OSTM1: variants seen among roughly 807,000 people sequenced by gnomAD.
OSTM1 encodes osteoclastogenesis associated transmembrane protein 1.
A neutral mutation model predicts 35.4 loss-of-function variants in OSTM1; 26 were observed. That is an observed-to-expected ratio of 0.73 (90% confidence interval 0.54 to 1.02). The LOEUF (loss-of-function observed/expected upper bound fraction) is 1.02, where lower values mean the gene tolerates loss of function less well. Among genes scored for constraint, OSTM1 ranks in the 50% least tolerant of loss-of-function variants. OSTM1 has a pLI of 0.00. For missense variants in OSTM1, 366 were observed against 409.6 expected (o/e 0.89, Z 0.92); for synonymous variants, 181 against 165.0 (o/e 1.10, Z -0.75).
chr6:108,069,053 C>T (rs891897967), intron 1 of OSTM1, among the ~76,000 whole-genome samples: 1 of 152,174 alleles, frequency 6.6e-6, no homozygotes, highest in African/African-American at 2.4e-5. Flanking sequence ...TAGGTGTCTG[C>T]TTTAATCACT....
intron 2 of OSTM1, among the ~76,000 whole-genome samples, chr6:108,062,866 G>A (rs1562374524): frequency 1.3e-5 from 2 of 152,000 alleles, no homozygotes; most frequent in African/African-American, 2.4e-5. Context: ...ATTCTAAGCA[G>A]TATAAAAAAT....
rs151246163 is a variant in OSTM1 at position 108,044,663 on chromosome 6, C to T, written c.*122G>A. The T allele has an allele frequency of 1.7e-6, 1 of 594,054 alleles. No individual in the cohort carries two copies. The highest frequency in any genetic ancestry group is 3.1e-6 in the Non-Finnish European group (1 of 322,424). 36.8% of individuals were successfully genotyped at this position (594,054 alleles called of 1,614,324 possible). On this transcript the variant is annotated 3_prime_UTR_variant, in exon 6 of 6. Transcript: ENST00000193322. ...CGAAAATTCTTATTTAAAAATGGAT[C>T]TGAAGTCCTTGTATTTCTTAAGAGC...
Position 108,049,387 on chromosome 6 carries a change from G to A in OSTM1, c.815C>T (p.Thr272Ile). 1.2e-6 allele frequency: 2 copies of A among 1,613,868 alleles called. No homozygotes were observed. Among genetic ancestry groups the A allele is most frequent in the Non-Finnish European group, 1.7e-6 (2 of 1,179,798 alleles). The change falls in exon 5 of 6, where the codon ACT becomes ATT. Residue 272 changes from threonine to isoleucine, a missense_variant. Coordinates refer to ENST00000193322, the MANE Select transcript of OSTM1 (RefSeq NM_014028.4). ...ACTGCAAGGGACTGAACAGTTGAAA[G>A]TTCGACTCCATAGTTTTCGAGTGAT... The part of the protein sequence containing the change: ...MNITRKLWSR[T>I]FNCSVPCSDT...
intron 4 of OSTM1, 113 bp from the exon 5 acceptor site, chr6:108,049,531 C>T: frequency 9.2e-6 from 14 of 1,523,720 alleles, no homozygotes; most frequent in Non-Finnish European, 1.2e-5. Context: ...TCAATACATA[C>T]CTCTAAAAAC....
chr6:108,074,249 C>A lies in OSTM1; in HGVS notation c.402+1G>T. On this transcript the variant is annotated splice_donor_variant, in intron 1 of 5. Coordinates refer to ENST00000193322, the MANE Select transcript of OSTM1 (RefSeq NM_014028.4). LOFTEE classifies it high-confidence loss of function. Reference sequence around the variant, plus strand: ...AGTCCCGGACGTGGTCCTGTACCCACCCCCGCGGCTCGGCTGATGTTGTCC... The same window carrying A: ...AGTCCCGGACGTGGTCCTGTACCCAACCCCGCGGCTCGGCTGATGTTGTCC... The A allele has an allele frequency of 6.2e-7, 1 of 1,612,002 alleles. No individual in the cohort carries two copies. The highest frequency in any genetic ancestry group is 8.5e-7 in the Non-Finnish European group (1 of 1,179,870).
intron 4 of OSTM1, among the ~76,000 whole-genome samples, chr6:108,050,805 A>G (rs2114592864): frequency 6.6e-6 from 1 of 152,308 alleles, no homozygotes; most frequent in Admixed American, 6.5e-5. Context: ...TGAAGTACCT[A>G]ATTAATTTCT....
Position 108,074,253 on chromosome 6 carries a change from C to T in OSTM1, c.399G>A (p.Ala133=). ...VSKMDNISRA[A]GNTSESQSCA... is the part of the protein sequence containing the mutation. Reference sequence around the variant, plus strand: ...CCGGACGTGGTCCTGTACCCACCCCCGCGGCTCGGCTGATGTTGTCCATCT... The same window carrying T: ...CCGGACGTGGTCCTGTACCCACCCCTGCGGCTCGGCTGATGTTGTCCATCT... Residue 133 remains alanine (A), a synonymous_variant, in exon 1 of 6, where the codon GCG becomes GCA. Coordinates refer to ENST00000193322, the MANE Select transcript of OSTM1 (RefSeq NM_014028.4). 2 of 1,612,098 alleles carry T rather than the reference C, an allele frequency of 1.2e-6. No individual in the cohort carries two copies. The highest frequency in any genetic ancestry group is 1.7e-6 in the Non-Finnish European group (2 of 1,179,934).
chr6:108,060,927 TTAAAA>T (rs1772261170), intron 2 of OSTM1: 1 of 152,198 alleles, frequency 6.6e-6, no homozygotes, highest in Non-Finnish European at 1.5e-5. Flanking sequence ...TTGACTAGTC[TTAAAA>T]TAAAATTAAA....
intron 2 of OSTM1, chr6:108,061,015 T>C (rs1371871110): frequency 2.0e-5 from 3 of 152,174 alleles, no homozygotes; most frequent in African/African-American, 7.2e-5. Flanking sequence ...ATAATTAACA[T>C]ATTTTTCTAT....
chr6:108,054,512 G>T lies in OSTM1; in HGVS notation c.593C>A (p.Thr198Asn), dbSNP rs775833670. The T allele has an allele frequency of 1.3e-6, 2 of 1,523,402 alleles. No individual in the cohort carries two copies. Among genetic ancestry groups the T allele is most frequent in the South Asian group, 2.3e-5 (2 of 87,772 alleles). The allele number at this position is 1,523,402 out of a possible 1,614,324, so 94.4% of individuals were successfully genotyped here. The change falls in exon 3 of 6, where the codon ACC becomes AAC. Residue 198 changes from threonine (T) to asparagine (N), a missense_variant. This residue lies in a region of OSTM1 where 5 missense variants were observed against 18.5 expected (regional missense o/e 0.27). Transcript: ENST00000193322. ...YFLNLFNHTL[T>N]CFEHNLQGNA... ...TACCTGAAGGTTATGTTCAAAGCAG[G>T]TCAGGGTGTGATTAAATAGATTAAG...
At chr6:108,048,999 C>A (rs904149285) in intron 5 of OSTM1, among the ~76,000 whole-genome samples, 1 of 152,040 alleles carries the variant, frequency 6.6e-6, no homozygotes, top group African/African-American at 2.4e-5. Flanking sequence ...GATCCGCCCA[C>A]CTCATCCTCC....
At chr6:108,046,959 T>TA (rs1200894136) in intron 5 of OSTM1, among the ~76,000 whole-genome samples, 1 of 152,214 alleles carries the variant, frequency 6.6e-6, no homozygotes, top group African/African-American at 2.4e-5. Flanking sequence ...CCCTACCTGA[T>TA]AAATCCCCAC....
chr6:108,052,408 G>A (rs1462991417), intron 3 of OSTM1, among the ~76,000 whole-genome samples: 5 of 150,504 alleles, frequency 3.3e-5, no homozygotes, highest in Non-Finnish European at 7.4e-5. Flanking sequence ...ACTCTAGCCC[G>A]GGTGACAGAG....
intron 2 of OSTM1, among the ~76,000 whole-genome samples, chr6:108,059,943 C>T (rs57365696): frequency 0.033 from 5,036 of 152,284 alleles, 268 homozygotes; most frequent in African/African-American, 0.12. Context: ...CAGATTTGAA[C>T]ATTCTGTTAA....
At chr6:108,060,373 CTAA>C (rs1420432478) in intron 2 of OSTM1, among the ~76,000 whole-genome samples, 1 of 152,104 alleles carries the variant, frequency 6.6e-6, no homozygotes, top group Admixed American at 6.5e-5. Flanking sequence ...TTCTTTTCAA[CTAA>C]CTGGGGAAAA....
At position 108,064,204 on chromosome 6, in the gene OSTM1, C is replaced by G. The variant is rs1256092775; in HGVS notation, c.498G>C (p.Trp166Cys). ...VILSEFFNTTWQEANCANCLT... is the reference protein window; with the variant it reads ...VILSEFFNTTCQEANCANCLT... ...ACTTACTTGCACAATTTGCCTCCTG[C>G]CATGTGGTATTAAAAAATTCTGAGA... Residue 166 changes from tryptophan to cysteine, a missense_variant, in exon 2 of 6, where the codon TGG becomes TGC. Trp to Cys is a radical substitution (Grantham distance 215). Around this residue, in one of 3 missense-constraint regions of OSTM1, gnomAD observed 236 missense variants for 239.3 expected, o/e 0.99. Transcript: ENST00000193322. The G allele has an allele frequency of 1.3e-6, 2 of 1,576,618 alleles. No individual in the cohort carries two copies.
intron 2 of OSTM1, among the ~76,000 whole-genome samples, chr6:108,057,076 A>G (rs1255161720): frequency 6.6e-6 from 1 of 152,094 alleles, no homozygotes; most frequent in Non-Finnish European, 1.5e-5. Flanking sequence ...AAATAATACA[A>G]AATTAGCCAG....
rs371784892 is a variant in OSTM1 at position 108,043,911 on chromosome 6, C to T, written c.*874G>A. On this transcript the variant is annotated 3_prime_UTR_variant, in exon 6 of 6. Transcript: ENST00000193322. ...TCCTGTCTCTCTTCTCCAAAATCCT[C>T]TATATATCTTAAGAAGAAAATATTC... is the stretch of plus-strand genomic sequence containing the variant. 1.3e-5 allele frequency: 2 copies of T among 152,448 alleles called. No individual in the cohort carries two copies. Among genetic ancestry groups the T allele is most frequent in the African/African-American group, 4.8e-5 (2 of 41,548 alleles). 9.4% of individuals were successfully genotyped at this position (152,448 alleles called of 1,614,324 possible). A position where few individuals can be genotyped will look rare whatever the true frequency, so the allele number is the denominator to read the frequency against.
At chr6:108,048,924 T>C (rs1299084786) in intron 5 of OSTM1, among the ~76,000 whole-genome samples, 1 of 152,032 alleles carries the variant, frequency 6.6e-6, no homozygotes, top group African/African-American at 2.4e-5. Context: ...GCTAATTTTT[T>C]GCATTTTTAG....
Sources: allele counts gnomAD v4.1 joint callset (sites outside exome capture counted in the v4.1 genomes callset), GRCh38; gene constraint gnomAD v4.1.1; regional missense constraint gnomAD v4.1.1; transcripts MANE v1.5; gene names NCBI Gene and HGNC (gene_info 2026-07-23, HGNC 2026-07-21).